The following SGIP1 variants were observed in gnomAD, a reference collection of about 807,000 sequenced individuals.
SGIP1 encodes the protein SH3-containing GRB2-like protein 3-interacting protein 1.
A neutral mutation model predicts 107.5 loss-of-function variants in SGIP1; 38 were observed. The ratio of observed to expected loss-of-function variants is 0.35; its 90% CI spans 0.27 to 0.46. The LOEUF (loss-of-function observed/expected upper bound fraction) is 0.46, where lower values mean the gene tolerates loss of function less well. Ranked by LOEUF, SGIP1 falls within the 20% of genes least tolerant of loss-of-function variation. The probability of loss-of-function intolerance (pLI) is 1.00; values close to 1 mark genes in which losing one functional copy is unlikely to be tolerated. For missense variants in SGIP1, 929 were observed against 1,019.5 expected (o/e 0.91, Z 1.21); for synonymous variants, 365 against 366.1 (o/e 1.00, Z 0.03).
intron 1 of SGIP1, among the ~76,000 whole-genome samples, chr1:66,603,303 G>A (rs1213387550): frequency 2.0e-5 from 3 of 152,038 alleles, no homozygotes; most frequent in Non-Finnish European, 2.9e-5. Flanking sequence ...GTGTACTAGG[G>A]TTATATAGAA....
At chr1:66,540,265 T>C (rs1382727357) in intron 1 of SGIP1, among the ~76,000 whole-genome samples, 1 of 152,208 alleles carries the variant, frequency 6.6e-6, no homozygotes, top group Non-Finnish European at 1.5e-5. Context: ...TGAAAATATG[T>C]ACTTGAGCTT....
chr1:66,595,914 G>A lies in SGIP1; in HGVS notation c.11-29933G>A, dbSNP rs182691371. ...AGAGATTAGTGGCTTCCAGTGGTTT[G>A]AGGAGGGGGAGGAGGAAGGTGGCCA... On this transcript the variant is annotated intron_variant, in intron 1 of 24. Coordinates refer to ENST00000371037, the MANE Select transcript of SGIP1 (RefSeq NM_032291.4). 1.9e-4 allele frequency among the ~76,000 whole-genome samples: 29 copies of A among 152,336 alleles called. No homozygotes were observed. The South Asian group carries it at 4.4e-3, about 23-fold the overall frequency.
rs1229960162 is a variant in SGIP1 at position 66,636,018 on chromosome 1, A to G, written c.171+3A>G. 1.2e-6 allele frequency: 2 copies of G among 1,613,262 alleles called. No homozygotes were observed. The highest frequency in any genetic ancestry group is 2.2e-5 in the South Asian group (2 of 90,894). ...GTGAAGGAGGAAAAAAAGTTTCGGTAAGGAAACAGATTTTAGTTTAAAATT... is the reference window on the plus strand; with the variant it reads ...GTGAAGGAGGAAAAAAAGTTTCGGTGAGGAAACAGATTTTAGTTTAAAATT... On this transcript the variant is annotated splice_donor_region_variant and intron_variant, in intron 4 of 24. Transcript: ENST00000371037.
chr1:66,742,942 C>G (rs1010064979), intron 24 of SGIP1, 131 bp from the exon 25 acceptor site: 19 of 818,326 alleles, frequency 2.3e-5, no homozygotes, highest in Non-Finnish European at 3.5e-5. Context: ...ATCTTTTATT[C>G]GTATTGTACC....
intron 1 of SGIP1, among the ~76,000 whole-genome samples, chr1:66,596,102 G>A (rs1197936316): frequency 6.6e-6 from 1 of 152,206 alleles, no homozygotes; most frequent in Non-Finnish European, 1.5e-5. Flanking sequence ...CTGAATAGGT[G>A]GGTGTATTGT....
chr1:66,739,348 G>A lies in SGIP1; in HGVS notation c.2045G>A (p.Gly682Asp), dbSNP rs1471681302. 1 of 1,607,298 alleles carries A rather than the reference G, an allele frequency of 6.2e-7. No homozygotes were observed. Among genetic ancestry groups the A allele is most frequent in the Non-Finnish European group, 8.5e-7 (1 of 1,179,870 alleles). The change falls in exon 22 of 25, where the codon GGC becomes GAC. Residue 682 changes from glycine to aspartate, a missense_variant. By Grantham distance (94) the Gly-to-Asp change is moderately conservative. Around this residue, in one of 2 missense-constraint regions of SGIP1, gnomAD observed 341 missense variants for 430.9 expected, o/e 0.79. Transcript: ENST00000371037. ...TCGTTCGGCAAGGTGTCTGCCCAGGGCATTCAGTCCACACCTCTGAACCTG... is the reference window on the plus strand; with the variant it reads ...TCGTTCGGCAAGGTGTCTGCCCAGGACATTCAGTCCACACCTCTGAACCTG... ...DMLKYQVSAQGIQSTPLNLAV... is the reference protein window; with the variant it reads ...DMLKYQVSAQDIQSTPLNLAV...
chr1:66,703,898 A>ATGCGTTTATG (rs1553165311), intron 18 of SGIP1, among the ~76,000 whole-genome samples: 1 of 150,676 alleles, frequency 6.6e-6, no homozygotes, highest in Non-Finnish European at 1.5e-5. Flanking sequence ...GTGTGTGTGT[A>ATGCGTTTATG]TGCGTTTATG....
chr1:66,643,542 A>G lies in SGIP1; in HGVS notation c.284-2A>G. The G allele has an allele frequency of 6.2e-7, 1 of 1,605,550 alleles. No homozygotes were observed. The highest frequency in any genetic ancestry group is 8.5e-7 in the Non-Finnish European group (1 of 1,176,838). Reference sequence around the variant, plus strand: ...AGTTATGTATCTTTAACTGTGTTCTACCTACCAAAGGAAAGCACTTTTATT... The same window carrying G: ...AGTTATGTATCTTTAACTGTGTTCTGCCTACCAAAGGAAAGCACTTTTATT... On this transcript the variant is annotated splice_acceptor_variant, in intron 6 of 24. Coordinates refer to ENST00000371037, the MANE Select transcript of SGIP1 (RefSeq NM_032291.4). LOFTEE classifies it high-confidence loss of function.
In SGIP1 at chr1:66,749,447, T is replaced by G. The variant is rs1393840228; in HGVS notation, c.*6352T>G. Among the ~76,000 whole-genome samples the G allele has an allele frequency of 5.3e-5, 8 of 151,686 alleles. No individual in the cohort carries two copies. The highest frequency in any genetic ancestry group is 1.9e-4 in the African/African-American group (8 of 41,226). On this transcript the variant is annotated 3_prime_UTR_variant, in exon 25 of 25. Coordinates refer to ENST00000371037, the MANE Select transcript of SGIP1 (RefSeq NM_032291.4). ...TTTAATGAGCATTTCATAGGGTTTT[T>G]TTTTTGCTGTTTTTTTTTCTTTTTT...
intron 8 of SGIP1, among the ~76,000 whole-genome samples, chr1:66,664,542 TC>T (rs1366655045): frequency 6.6e-6 from 1 of 152,158 alleles, no homozygotes; most frequent in African/African-American, 2.4e-5. Flanking sequence ...TGTGTCTGGT[TC>T]TACCTGCCTA....
intron 7 of SGIP1, among the ~76,000 whole-genome samples, chr1:66,649,647 C>T (rs767544875): frequency 1.3e-4 from 20 of 151,978 alleles, no homozygotes; most frequent in Non-Finnish European, 4.4e-5. Context: ...AGGCTTTGTT[C>T]TTAAAGAGTA....
At chr1:66,578,373 G>A (rs1403918006) in intron 1 of SGIP1, among the ~76,000 whole-genome samples, 1 of 152,160 alleles carries the variant, frequency 6.6e-6, no homozygotes, top group Non-Finnish European at 1.5e-5. Flanking sequence ...TTTATAAGCT[G>A]CTCGGGAAGA....
chr1:66,723,776 AGTTCTACATTATGCACC>A (rs1451097197), intron 19 of SGIP1, among the ~76,000 whole-genome samples: 3 of 152,206 alleles, frequency 2.0e-5, no homozygotes, highest in African/African-American at 7.2e-5. Flanking sequence ...TCTTACTCTG[AGTTCTACATTATGCACC>A]GTTGCCTTCC....
At position 66,736,145 on chromosome 1, in the gene SGIP1, C is replaced by A. The variant is rs2094223109; in HGVS notation, c.2031+2265C>A. 2.7e-5 allele frequency among the ~76,000 whole-genome samples: 4 copies of A among 146,758 alleles called. No individual in the cohort carries two copies. The Admixed American group carries it at 2.7e-4, about 10-fold the overall frequency. On this transcript the variant is annotated intron_variant, in intron 21 of 24. Transcript: ENST00000371037. ...TAGATACATATAAAACCTATACAAT[C>A]TATAACATATAAAATAACACATTAT...
chr1:66,716,151 T>A (rs2093227771), intron 18 of SGIP1, among the ~76,000 whole-genome samples: 1 of 152,120 alleles, frequency 6.6e-6, no homozygotes. Context: ...CATGTGCCAT[T>A]TCTGAGCACT....
chr1:66,575,390 T>A (rs2148661432), intron 1 of SGIP1, among the ~76,000 whole-genome samples: 1 of 152,318 alleles, frequency 6.6e-6, no homozygotes, highest in Middle Eastern at 3.4e-3. Context: ...TATGTTTAGA[T>A]CCAACTTGGA....
intron 18 of SGIP1, among the ~76,000 whole-genome samples, chr1:66,699,317 T>C (rs993140986): frequency 6.6e-6 from 1 of 152,114 alleles, no homozygotes; most frequent in Non-Finnish European, 1.5e-5. Context: ...GTCTGATAAT[T>C]CCACCCTCTT....
intron 1 of SGIP1, among the ~76,000 whole-genome samples, chr1:66,583,453 G>A (rs1190715416): frequency 6.6e-6 from 1 of 151,894 alleles, no homozygotes; most frequent in Non-Finnish European, 1.5e-5. Flanking sequence ...TCAACTACTG[G>A]GATTAACTAT....
chr1:66,686,699 A>G (rs1037493813), intron 15 of SGIP1, among the ~76,000 whole-genome samples: 2 of 152,170 alleles, frequency 1.3e-5, no homozygotes, highest in African/African-American at 4.8e-5. Flanking sequence ...TGCTTCTTAG[A>G]CATTCTCTTA....
Sources: gnomAD v4.1 joint callset for allele counts (sites outside exome capture counted in the v4.1 genomes callset) on GRCh38, gnomAD v4.1.1 for gene constraint, gnomAD v4.1.1 regional missense constraint, MANE v1.5 for transcripts, NCBI Gene and HGNC (gene_info 2026-07-23, HGNC 2026-07-21) for gene names.